The following ARHGAP25 variants were observed in gnomAD, a reference collection of about 807,000 sequenced individuals.
ARHGAP25 encodes rho GTPase-activating protein 25.
A neutral mutation model predicts 71.0 loss-of-function variants in ARHGAP25; 34 were observed. The observed-to-expected ratio is 0.48, with a 90% confidence interval of 0.36 to 0.64. The LOEUF is 0.64. Among genes scored for constraint, ARHGAP25 ranks in the 30% least tolerant of loss-of-function variants. The pLI, the probability that ARHGAP25 is intolerant of heterozygous loss-of-function variation, is 0.00. For synonymous variants in ARHGAP25, 282 were observed against 296.5 expected, an observed-to-expected ratio of 0.95 and a Z score of 0.50; for missense variants, 706 against 805.1, an observed-to-expected ratio of 0.88 and a Z score of 1.49.
intron 1 of ARHGAP25, among the ~76,000 whole-genome samples, chr2:68,771,956 C>G (rs1677514907): frequency 6.6e-6 from 1 of 152,206 alleles, no homozygotes; most frequent in Non-Finnish European, 1.5e-5. Flanking sequence ...CAAAGGTCCC[C>G]TTGGCCAGGT....
chr2:68,818,112 A>C, intron 8 of ARHGAP25, 118 bp downstream of exon 8: 2,105 of 1,320,266 alleles, frequency 1.6e-3, no homozygotes, highest in Non-Finnish European at 2.0e-3. Context: ...TATCAATCTC[A>C]TCTGAATCAT....
intron 4 of ARHGAP25, among the ~76,000 whole-genome samples, chr2:68,789,056 G>A (rs1031293906): frequency 9.9e-5 from 15 of 150,754 alleles, no homozygotes; most frequent in African/African-American, 2.4e-4. Context: ...TTTCCGAGAC[G>A]GAGTCTTGGT....
intron 1 of ARHGAP25, among the ~76,000 whole-genome samples, chr2:68,747,100 A>T (rs557211881): frequency 3.3e-5 from 5 of 151,412 alleles, no homozygotes; most frequent in Non-Finnish European, 5.9e-5. Context: ...CTTCTCACTC[A>T]TCAGTCAGCC....
chr2:68,801,782 AAC>A (rs973071615), intron 4 of ARHGAP25, among the ~76,000 whole-genome samples: 20 of 152,338 alleles, frequency 1.3e-4, no homozygotes, highest in African/African-American at 4.6e-4. Flanking sequence ...AACATCGAGG[AAC>A]ACACAGGGAG....
At position 68,812,325 on chromosome 2, in the gene ARHGAP25, A is replaced by G. The variant is rs141425330; in HGVS notation, c.675-962A>G. ...AAATAATTCTTAGCTCCCAGGCTGT[A>G]CAAATAGAGGCAGTGGGACAGATTT... On this transcript the variant is annotated intron_variant, in intron 5 of 10. Transcript: ENST00000409202. Among the ~76,000 whole-genome samples the G allele has an allele frequency of 7.2e-5, 11 of 152,364 alleles. No homozygotes were observed. In the East Asian group the frequency reaches 1.9e-3, roughly 27 times the overall value.
chr2:68,727,528 C>T (rs1202196467), intron 2 of ARHGAP25, among the ~76,000 whole-genome samples: 1 of 152,170 alleles, frequency 6.6e-6, no homozygotes, highest in African/African-American at 2.4e-5. Context: ...CCCTACTTCA[C>T]AAAGGCCTGT....
chr2:68,806,661 A>G (rs746571768), intron 4 of ARHGAP25, among the ~76,000 whole-genome samples: 1 of 152,222 alleles, frequency 6.6e-6, no homozygotes, highest in Non-Finnish European at 1.5e-5. Flanking sequence ...TCATCATGCT[A>G]CTCAGAATGA....
rs1682147901 is a variant in ARHGAP25, at chr2:68,826,492, C to T, written c.*298C>T. The T allele has an allele frequency of 2.1e-6, 1 of 478,188 alleles. No individual in the cohort carries two copies. The highest frequency in any genetic ancestry group is 3.0e-5 in the Admixed American group (1 of 33,040). The allele number at this position is 478,188 out of a possible 1,614,324, so 29.6% of individuals were successfully genotyped here. The stretch of plus-strand genomic sequence containing the variant: ...CATTTGAGGCAGCACATCTCAGGAC[C>T]CAGGCAATAGACTGGCCCCAACTCA... On this transcript the variant is annotated 3_prime_UTR_variant, in exon 11 of 11. Transcript: ENST00000409202.
rs374194736 is a variant in ARHGAP25 at position 68,801,343 on chromosome 2, A to G, written c.467-5930A>G. The stretch of plus-strand genomic sequence containing the variant: ...TGGGACCCTCCAACATGTAGAGGAC[A>G]GCAAGGACAGGAAGAATCCTCAGAG... On this transcript the variant is annotated intron_variant, in intron 4 of 10. Transcript: ENST00000409202. 1.4e-4 allele frequency among the ~76,000 whole-genome samples: 21 copies of G among 152,326 alleles called. No individual in the cohort carries two copies. In the South Asian group the frequency reaches 4.3e-3, roughly 32 times the overall value.
chr2:68,816,022 G>T (rs2103683051), intron 6 of ARHGAP25: 1 of 475,318 alleles, frequency 2.1e-6, no homozygotes, highest in East Asian at 4.3e-5. Context: ...CCTTAGAGTA[G>T]CTCAGGGTCA....
At chr2:68,783,825 A>G (rs1468984956) in intron 3 of ARHGAP25, among the ~76,000 whole-genome samples, 1 of 152,110 alleles carries the variant, frequency 6.6e-6, no homozygotes, top group Admixed American at 6.5e-5. Flanking sequence ...AAAGCAGGAA[A>G]GCCTGCTTTT....
At chr2:68,769,310 CTA>C (rs1363404113) in intron 1 of ARHGAP25, among the ~76,000 whole-genome samples, 1 of 152,032 alleles carries the variant, frequency 6.6e-6, no homozygotes, top group Non-Finnish European at 1.5e-5. Context: ...CATTTAATTT[CTA>C]TGTTTTAAGA....
intron 4 of ARHGAP25, among the ~76,000 whole-genome samples, chr2:68,806,124 T>C (rs1258118877): frequency 6.6e-6 from 1 of 152,242 alleles, no homozygotes; most frequent in East Asian, 1.9e-4. Flanking sequence ...GAAAGCAATT[T>C]GCATGCCATC....
At chr2:68,776,532 A>G (rs1436430817) in intron 2 of ARHGAP25, among the ~76,000 whole-genome samples, 1 of 152,174 alleles carries the variant, frequency 6.6e-6, no homozygotes, top group African/African-American at 2.4e-5. Flanking sequence ...AGCAAACAGG[A>G]TTTCCTGATG....
chr2:68,741,872 A>G (rs764620660), intron 1 of ARHGAP25, among the ~76,000 whole-genome samples: 5 of 152,262 alleles, frequency 3.3e-5, no homozygotes, highest in Non-Finnish European at 5.9e-5. Flanking sequence ...TGCAATCTTC[A>G]GTACATTCAG....
chr2:68,818,099 G>C (rs1299611680), intron 8 of ARHGAP25, 105 bp downstream of exon 8: 1 of 1,453,322 alleles, frequency 6.9e-7, no homozygotes, highest in Non-Finnish European at 9.5e-7. Context: ...ATTTTAAGCT[G>C]GTTATCAATC....
chr2:68,719,486 C>A (rs542428169), intron 2 of ARHGAP25, among the ~76,000 whole-genome samples: 9 of 151,106 alleles, frequency 6.0e-5, no homozygotes, highest in African/African-American at 2.2e-4. Flanking sequence ...AAGAACAACG[C>A]CCACATTTTG....
chr2:68,810,984 C>T (rs2103651471), intron 5 of ARHGAP25, among the ~76,000 whole-genome samples: 1 of 152,270 alleles, frequency 6.6e-6, no homozygotes, highest in East Asian at 1.9e-4. Context: ...TCAAGTTCTC[C>T]ACCCGCCTTG....
At chr2:68,750,483 C>T (rs916382605) in intron 1 of ARHGAP25, among the ~76,000 whole-genome samples, 4 of 152,028 alleles carry the variant, frequency 2.6e-5, no homozygotes, top group Admixed American at 1.3e-4. Context: ...TCACCATGCT[C>T]GGCGTATTTG....
Sources: allele counts gnomAD v4.1 joint callset (sites outside exome capture counted in the v4.1 genomes callset), GRCh38; gene constraint gnomAD v4.1.1; transcripts MANE v1.5; gene names NCBI Gene and HGNC (gene_info 2026-07-23, HGNC 2026-07-21).